DOCK8: variants seen among roughly 807,000 people sequenced by gnomAD.
DOCK8 encodes dedicator of cytokinesis protein 8.
DOCK8 carries 141 observed loss-of-function variants against 245.6 expected under a neutral mutation model. The ratio of observed to expected loss-of-function variants is 0.57; its 90% CI spans 0.50 to 0.66. The LOEUF (loss-of-function observed/expected upper bound fraction) is 0.66. DOCK8 is among the 30% of genes least tolerant of loss of function. The pLI, the probability that DOCK8 is intolerant of heterozygous loss-of-function variation, is 0.00. For missense variants in DOCK8, 2,965 were observed against 2,603.4 expected (o/e 1.14, Z -3.02); for synonymous variants, 1,168 against 970.2 (o/e 1.20, Z -3.79).
chr9:294,341 C>T (rs1238280884), intron 4 of DOCK8, among the ~76,000 whole-genome samples: 1 of 152,220 alleles, frequency 6.6e-6, no homozygotes, highest in African/African-American at 2.4e-5. Context: ...CTGATAGGTA[C>T]TGCCAAATTC....
At chr9:450,671 A>G (rs2057398908) in intron 45 of DOCK8, among the ~76,000 whole-genome samples, 1 of 152,108 alleles carries the variant, frequency 6.6e-6, no homozygotes, top group Non-Finnish European at 1.5e-5. Flanking sequence ...AGTGTACTTG[A>G]CATCAAGGGA....
chr9:307,311 G>A (rs1051517722), intron 5 of DOCK8, among the ~76,000 whole-genome samples: 1 of 144,364 alleles, frequency 6.9e-6, no homozygotes, highest in African/African-American at 2.6e-5. Flanking sequence ...GAGAACTCAA[G>A]TCACTGTGTT....
At chr9:312,797 C>T in intron 6 of DOCK8, 1 of 307,650 alleles carries the variant, frequency 3.3e-6, no homozygotes, top group Non-Finnish European at 6.2e-6. Context: ...ATTATTCAAG[C>T]CTTTTGTCTG....
chr9:384,575 C>T (rs761967989), intron 22 of DOCK8, among the ~76,000 whole-genome samples: 22 of 152,164 alleles, frequency 1.4e-4, no homozygotes, highest in Non-Finnish European at 3.1e-4. Flanking sequence ...CTGCAGAGGT[C>T]CTGGTCCCTG....
intron 4 of DOCK8, among the ~76,000 whole-genome samples, chr9:303,855 C>T (rs908807923): frequency 1.1e-4 from 17 of 152,100 alleles, no homozygotes; most frequent in Non-Finnish European, 2.1e-4. Context: ...ATAAAAGTGG[C>T]GTGTTTGTGC....
At chr9:381,891 C>T (rs1047988588) in intron 21 of DOCK8, among the ~76,000 whole-genome samples, 5 of 151,238 alleles carry the variant, frequency 3.3e-5, no homozygotes, top group Admixed American at 2.0e-4. Flanking sequence ...ACCTGGGAGG[C>T]GGAGGTTGCA....
chr9:270,385 G>A (rs2048132506), intron 1 of DOCK8, among the ~76,000 whole-genome samples: 1 of 152,170 alleles, frequency 6.6e-6, no homozygotes, highest in East Asian at 1.9e-4. Flanking sequence ...CGTGAGTTAT[G>A]TGCCCACTCT....
intron 4 of DOCK8, among the ~76,000 whole-genome samples, chr9:294,745 A>G (rs967950250): frequency 9.2e-5 from 14 of 152,270 alleles, no homozygotes; most frequent in African/African-American, 3.4e-4. Context: ...TCAGTTGGGT[A>G]GTAGATAAAC....
At chr9:330,775 A>G (rs905978686) in intron 9 of DOCK8, among the ~76,000 whole-genome samples, 2 of 152,208 alleles carry the variant, frequency 1.3e-5, no homozygotes, top group African/African-American at 4.8e-5. Flanking sequence ...CCTACTTTCC[A>G]TGGTTATGAG....
chr9:307,691 T>C (rs1395387417), intron 5 of DOCK8, among the ~76,000 whole-genome samples: 2 of 152,082 alleles, frequency 1.3e-5, no homozygotes, highest in African/African-American at 4.8e-5. Context: ...CTTGATCATA[T>C]GATCCAGCAG....
rs1564034449 is a variant in DOCK8, at chr9:414,821, C to G, written c.3570C>G (p.His1190Gln). ...AAAGGAAAGCTGTCAGTGCAATTCA[C>G]AGCCTGCTAAGTTCTCACGACCTGG... ...KVQRKAVSAI[H>Q]SLLSSHDLDP... The change falls in exon 29 of 48, where the codon CAC becomes CAG. Residue 1190 changes from histidine to glutamine, a missense_variant. His to Gln is a conservative substitution (Grantham distance 24, BLOSUM62 0). Coordinates refer to ENST00000432829, the MANE Select transcript of DOCK8 (RefSeq NM_203447.4). 1 of 1,614,218 alleles carries G rather than the reference C, an allele frequency of 6.2e-7. No homozygotes were observed. Among genetic ancestry groups the G allele is most frequent in the Non-Finnish European group, 8.5e-7 (1 of 1,180,034 alleles).
chr9:422,651 A>C (rs1471234891), intron 33 of DOCK8, among the ~76,000 whole-genome samples: 1 of 152,236 alleles, frequency 6.6e-6, no homozygotes, highest in African/African-American at 2.4e-5. Context: ...GACATGGGGA[A>C]ATGCTTATGA....
intron 1 of DOCK8, among the ~76,000 whole-genome samples, chr9:219,066 C>T (rs2046827049): frequency 6.6e-6 from 1 of 152,182 alleles, no homozygotes; most frequent in African/African-American, 2.4e-5. Flanking sequence ...TACCATGCTG[C>T]CATCTCAGTT....
At chr9:249,381 G>T (rs1313909870) in intron 1 of DOCK8, among the ~76,000 whole-genome samples, 2 of 152,178 alleles carry the variant, frequency 1.3e-5, no homozygotes, top group Non-Finnish European at 2.9e-5. Flanking sequence ...AGGAAAGTCA[G>T]TGATGTTTTC....
intron 27 of DOCK8, among the ~76,000 whole-genome samples, chr9:406,487 TCAAAAAAAAA>T (rs1401418838): frequency 5.1e-5 from 5 of 98,258 alleles, no homozygotes; most frequent in Non-Finnish European, 8.1e-5. Flanking sequence ...ACTCTGTCTT[TCAAAAAAAAA>T]AAAAAAAAAA....
In DOCK8 at chr9:399,802, A is replaced by G. The variant is rs186723711; in HGVS notation, c.3234+543A>G. Among the ~76,000 whole-genome samples the G allele has an allele frequency of 2.0e-3, 308 of 152,066 alleles. 3 individuals are homozygous for G. Among genetic ancestry groups the G allele is most frequent in the Non-Finnish European group, 1.5e-3 (101 of 67,950 alleles). ...CCCAGATTTTTAAATGGAATTATTC[A>G]TGTGCTGTCTCCCTCAAACTACCTT... is the stretch of plus-strand genomic sequence containing the variant. On this transcript the variant is annotated intron_variant, in intron 26 of 47. Transcript: ENST00000432829.
At position 407,069 on chromosome 9, in the gene DOCK8, G is replaced by A. The variant is rs117350404; in HGVS notation, c.3530G>A (p.Gly1177Glu). The A allele has an allele frequency of 1.2e-6, 2 of 1,613,954 alleles. No homozygotes were observed. ...GCTGCCCTGGATGCCGAAGGGGAAGGGTATGTTTCTGGCATTTAAAATGGA... is the reference window on the plus strand; with the variant it reads ...GCTGCCCTGGATGCCGAAGGGGAAGAGTATGTTTCTGGCATTTAAAATGGA... The part of the protein sequence containing the change: ...LAAALDAEGE[G>E]ISKVQRKAVS... The change falls in exon 28 of 48, where the codon GGA becomes GAA. Residue 1177 changes from glycine to glutamate, a missense_variant and splice_region_variant. By Grantham distance (98) the Gly-to-Glu change is moderately conservative. Transcript: ENST00000432829.
chr9:390,120 G>A (rs886793840), intron 23 of DOCK8, among the ~76,000 whole-genome samples: 3 of 152,170 alleles, frequency 2.0e-5, no homozygotes, highest in African/African-American at 7.2e-5. Flanking sequence ...TGGTCACACA[G>A]AGAGTTTTCA....
intron 4 of DOCK8, among the ~76,000 whole-genome samples, chr9:293,776 C>A (rs1027490375): frequency 6.6e-6 from 1 of 152,160 alleles, no homozygotes; most frequent in African/African-American, 2.4e-5. Flanking sequence ...ACTAGAAAGT[C>A]GGAGGAGGAT....
Sources: gnomAD v4.1 joint callset for allele counts (sites outside exome capture counted in the v4.1 genomes callset) on GRCh38, gnomAD v4.1.1 for gene constraint, MANE v1.5 for transcripts, NCBI Gene and HGNC (gene_info 2026-07-23, HGNC 2026-07-21) for gene names.